The following POLR2B variants were observed in gnomAD, a reference collection of about 807,000 sequenced individuals.
POLR2B encodes RNA polymerase II subunit B.
A neutral mutation model predicts 144.6 loss-of-function variants in POLR2B; 57 were observed. That is an observed-to-expected ratio of 0.39 (90% CI 0.32 to 0.49). The LOEUF (loss-of-function observed/expected upper bound fraction) is 0.49, where lower values mean the gene tolerates loss of function less well. Among genes scored for constraint, POLR2B ranks in the 20% least tolerant of loss-of-function variants. The probability of loss-of-function intolerance (pLI) is 0.83; values close to 1 mark genes in which losing one functional copy is unlikely to be tolerated. For missense variants in POLR2B, 595 were observed against 1,467.4 expected (o/e 0.41, Z 9.71); for synonymous variants, 442 against 469.8 (o/e 0.94, Z 0.77).
In POLR2B at chr4:57,016,953, T is replaced by C. The variant is rs1355767227; in HGVS notation, c.1956-90T>C. The stretch of plus-strand genomic sequence containing the variant: ...ATTTAATATATAATATTAAACTTAT[T>C]TAAATATAAATATAGGAATACTTTT... On this transcript the variant is annotated intron_variant, in intron 14 of 24. Transcript: ENST00000314595. 7.5e-6 allele frequency: 3 copies of C among 400,004 alleles called. No homozygotes were observed. In the Admixed American group the frequency reaches 1.4e-4, roughly 18 times the overall value. The allele number at this position is 400,004 out of a possible 1,614,324, so 24.8% of individuals were successfully genotyped here.
chr4:56,983,012 C>A (rs763546948), intron 1 of POLR2B, among the ~76,000 whole-genome samples: 2 of 152,210 alleles, frequency 1.3e-5, no homozygotes, highest in Non-Finnish European at 2.9e-5. Context: ...CATTCTAGTT[C>A]ATGTTGCTGC....
chr4:57,010,927 T>A, intron 12 of POLR2B, 40 bp downstream of exon 12: 1 of 1,586,518 alleles, frequency 6.3e-7, no homozygotes, highest in Non-Finnish European at 8.7e-7. Flanking sequence ...CTATAGTTAA[T>A]CTTTAGTTGT....
In POLR2B at chr4:56,981,960, G is replaced by A. The variant is rs148002117; in HGVS notation, c.19+2956G>A. Among the ~76,000 whole-genome samples, 15 of 152,226 alleles carry A rather than the reference G, an allele frequency of 9.9e-5. No homozygotes were observed. In the South Asian group the frequency reaches 1.0e-3, roughly 11 times the overall value. ...TCAAAACTGTTGATGACATCTTCCC[G>A]GAAACTCACTCAGCTTTCTAGCGAC... On this transcript the variant is annotated intron_variant, in intron 1 of 24. Coordinates refer to ENST00000314595, the MANE Select transcript of POLR2B (RefSeq NM_000938.3).
At chr4:57,019,509 G>A (rs371833423) in intron 16 of POLR2B, among the ~76,000 whole-genome samples, 4 of 151,986 alleles carry the variant, frequency 2.6e-5, no homozygotes, top group East Asian at 1.9e-4. Flanking sequence ...CCAGCCCATC[G>A]TACCATTTTT....
At chr4:57,021,602 C>T (rs1460481433) in intron 17 of POLR2B, among the ~76,000 whole-genome samples, 1 of 149,860 alleles carries the variant, frequency 6.7e-6, no homozygotes, top group Admixed American at 6.7e-5. Context: ...GATTCTCCTA[C>T]CTCAGCTTCC....
intron 13 of POLR2B, among the ~76,000 whole-genome samples, chr4:57,014,739 C>CAAG (rs1723312726): frequency 1.4e-5 from 2 of 145,006 alleles, no homozygotes; most frequent in African/African-American, 2.6e-5. Context: ...CTCCTGACCT[C>CAAG]GTGATCCATC....
At chr4:56,986,133 A>G in intron 1 of POLR2B, 1 of 526,128 alleles carries the variant, frequency 1.9e-6, no homozygotes, top group African/African-American at 1.9e-5. Context: ...TACAACTTAC[A>G]TTGAACCTTT....
At chr4:56,983,268 ATTTG>A (rs1019203907) in intron 1 of POLR2B, among the ~76,000 whole-genome samples, 1 of 150,142 alleles carries the variant, frequency 6.7e-6, no homozygotes, top group African/African-American at 2.5e-5. Context: ...CTTTTGCACA[ATTTG>A]TTTTTTTCTA....
In POLR2B at chr4:57,017,627, A is replaced by G; in HGVS notation, c.2222A>G (p.His741Arg). 6.2e-7 allele frequency: 1 copy of G among 1,613,664 alleles called. No individual in the cohort carries two copies. The change falls in exon 16 of 25, where the codon CAT becomes CGT. Residue 741 changes from histidine (H) to arginine (R), a missense_variant. By Grantham distance (29) the His-to-Arg change is conservative. Transcript: ENST00000314595. The surrounding 1 kb of genome is among the most constrained non-coding windows in gnomAD (Gnocchi z 4.8). ...QAMGVYITNF[H>R]VRMDTLAHVL... ...ATGGGAGTTTACATCACCAACTTCC[A>G]TGTTCGCATGGACACATTGGCCCAT...
At position 57,010,736 on chromosome 4, in the gene POLR2B, T is replaced by C; in HGVS notation, c.1549-12T>C. The stretch of plus-strand genomic sequence containing the variant: ...TAAAATCAGAATGACTAATACTTGG[T>C]TTATTTTTTAGGGCCATGCTGTAGG... On this transcript the variant is annotated splice_polypyrimidine_tract_variant and intron_variant, in intron 11 of 24. Coordinates refer to ENST00000314595, the MANE Select transcript of POLR2B (RefSeq NM_000938.3). The C allele has an allele frequency of 6.3e-7, 1 of 1,574,998 alleles. No individual in the cohort carries two copies. The highest frequency in any genetic ancestry group is 2.3e-4 in the Middle Eastern group (1 of 4,284).
chr4:57,018,519 G>A (rs1723437152), intron 16 of POLR2B, among the ~76,000 whole-genome samples: 1 of 151,920 alleles, frequency 6.6e-6, no homozygotes, highest in African/African-American at 2.4e-5. Context: ...ATAGGTTGGG[G>A]GAAAAATAAG....
chr4:57,000,980 T>C (rs1371631438), intron 7 of POLR2B, among the ~76,000 whole-genome samples: 2 of 152,170 alleles, frequency 1.3e-5, no homozygotes, highest in Admixed American at 6.5e-5. Flanking sequence ...ACAACAATAC[T>C]GTTAATGTAC....
intron 1 of POLR2B, among the ~76,000 whole-genome samples, chr4:56,979,402 G>T (rs1339909797): frequency 6.8e-6 from 1 of 147,694 alleles, no homozygotes; most frequent in Non-Finnish European, 1.5e-5. Context: ...GTGTCAGGCA[G>T]TGTGGAAGGT....
intron 23 of POLR2B, among the ~76,000 whole-genome samples, 186 bp from the exon 24 acceptor site, chr4:57,030,018 C>G (rs1723861192): frequency 6.6e-6 from 1 of 152,088 alleles, no homozygotes; most frequent in South Asian, 2.1e-4. Flanking sequence ...CATTTGGGGA[C>G]TTTCTAATGC....
At chr4:56,981,623 AG>A (rs1722159444) in intron 1 of POLR2B, among the ~76,000 whole-genome samples, 1 of 152,238 alleles carries the variant, frequency 6.6e-6, no homozygotes, top group Admixed American at 6.5e-5. Context: ...AATGTTTATT[AG>A]ATAACGTCCT....
intron 6 of POLR2B, among the ~76,000 whole-genome samples, chr4:56,996,855 G>A (rs1481729316): frequency 6.6e-6 from 1 of 152,082 alleles, no homozygotes; most frequent in African/African-American, 2.4e-5. Context: ...GGAGGCTGAG[G>A]TGGGTGGATT....
rs1473897613 is a variant in POLR2B, at chr4:57,017,531, T to A, written c.2155-29T>A. The A allele has an allele frequency of 6.5e-7, 1 of 1,542,888 alleles. No homozygotes were observed. Among genetic ancestry groups the A allele is most frequent in the African/African-American group, 1.4e-5 (1 of 72,250 alleles). On this transcript the variant is annotated intron_variant, in intron 15 of 24. Coordinates refer to ENST00000314595, the MANE Select transcript of POLR2B (RefSeq NM_000938.3). The surrounding 1 kb of genome is among the most constrained non-coding windows in gnomAD (Gnocchi z 4.8). ...TTCCATTAGTGATAGTAACTTTTTG[T>A]TGTTTCTGCTTTTCATTTTTACGTT...
chr4:57,003,044 C>T (rs1299715240), intron 7 of POLR2B, among the ~76,000 whole-genome samples: 7 of 152,136 alleles, frequency 4.6e-5, no homozygotes, highest in Non-Finnish European at 1.0e-4. Flanking sequence ...TTTATATAAC[C>T]CTTTTGTAGA....
intron 7 of POLR2B, among the ~76,000 whole-genome samples, chr4:57,000,705 T>TG (rs1177008984): frequency 6.7e-5 from 10 of 149,956 alleles, no homozygotes; most frequent in South Asian, 2.1e-4. Flanking sequence ...ACTGTTTTTT[T>TG]TGGGGGGGAG....
Sources: gnomAD v4.1 joint callset for allele counts (sites outside exome capture counted in the v4.1 genomes callset) on GRCh38, gnomAD v4.1.1 for gene constraint, Gnocchi (gnomAD v3.1) non-coding constraint, MANE v1.5 for transcripts, NCBI Gene and HGNC (gene_info 2026-07-23, HGNC 2026-07-21) for gene names.